Variants in TEP1 observed in about 807,000 individuals in gnomAD.
TEP1 encodes telomerase associated protein 1.
A neutral mutation model predicts 306.3 loss-of-function variants in TEP1; 241 were observed. The observed-to-expected ratio is 0.79, with a 90% CI of 0.71 to 0.88. The LOEUF is 0.88. Ranked by LOEUF, TEP1 falls within the 40% of genes least tolerant of loss-of-function variation. The pLI is 0.00. For missense variants in TEP1, 3,051 were observed against 3,276.1 expected (o/e 0.93, Z 1.68); for synonymous variants, 1,289 against 1,305.5 (o/e 0.99, Z 0.27).
chr14:20,392,124 C>T (rs1156459839), intron 12 of TEP1, among the ~76,000 whole-genome samples: 2 of 152,206 alleles, frequency 1.3e-5, no homozygotes, highest in Admixed American at 6.5e-5. Context: ...ACTCTGAAAA[C>T]TGGCAATTAA....
At chr14:20,390,572 C>CTA in intron 15 of TEP1, 109 bp downstream of exon 15, 1 of 1,030,820 alleles carries the variant, frequency 9.7e-7, no homozygotes, top group South Asian at 1.4e-5. Context: ...GCTGATCTGA[C>CTA]TATTGTATGT....
chr14:20,404,793 A>C, intron 4 of TEP1, 21 bp from the exon 5 acceptor site: 2 of 1,581,812 alleles, frequency 1.3e-6, no homozygotes, highest in Non-Finnish European at 1.7e-6. Context: ...GGGTGAGAGG[A>C]CTAGAATCTC....
At chr14:20,402,942 A>T (rs1369343265) in intron 7 of TEP1, among the ~76,000 whole-genome samples, 1 of 152,068 alleles carries the variant, frequency 6.6e-6, no homozygotes, top group Non-Finnish European at 1.5e-5. Context: ...GTGGATCACG[A>T]GGTCAGGAGT....
At position 20,402,858 on chromosome 14, in the gene TEP1, G is replaced by A. The variant is rs540334115; in HGVS notation, c.1266+519C>T. The stretch of plus-strand genomic sequence containing the variant: ...ATCCAACTTTACTGACATGTCACCC[G>A]GCAGTAAAGTACAATACCAGCTGGG... On this transcript the variant is annotated intron_variant, in intron 7 of 54. Transcript: ENST00000262715. Among the ~76,000 whole-genome samples, 3 of 152,128 alleles carry A rather than the reference G, an allele frequency of 2.0e-5. No individual in the cohort carries two copies. The East Asian group carries it at 5.8e-4, about 29-fold the overall frequency.
chr14:20,384,964 C>T, intron 21 of TEP1, 21 bp downstream of exon 21: 1 of 1,614,144 alleles, frequency 6.2e-7, no homozygotes, highest in Non-Finnish European at 8.5e-7. Flanking sequence ...GGAGCCCCAG[C>T]CTGCAGGCAA....
At chr14:20,401,167 A>G (rs763074831) in intron 8 of TEP1, 26 bp from the exon 9 acceptor site, 61 of 1,611,978 alleles carry the variant, frequency 3.8e-5, no homozygotes, top group Non-Finnish European at 4.8e-5. Flanking sequence ...AAAGAGGTCT[A>G]TCATTTCAGA....
intron 41 of TEP1, 127 bp downstream of exon 41, chr14:20,377,153 T>C: frequency 1.4e-6 from 1 of 730,548 alleles, no homozygotes; most frequent in Non-Finnish European, 2.1e-6. Flanking sequence ...AGGCAGAAGT[T>C]GCAGTGAGCC....
intron 1 of TEP1, among the ~76,000 whole-genome samples, chr14:20,411,101 T>G (rs1378269522): frequency 9.2e-5 from 14 of 152,150 alleles, no homozygotes. Flanking sequence ...ATTACAGGCG[T>G]GAGCCACCGC....
chr14:20,409,987 C>G (rs776202363), intron 1 of TEP1, among the ~76,000 whole-genome samples: 15 of 130,168 alleles, frequency 1.2e-4, no homozygotes, highest in Non-Finnish European at 2.0e-4. Context: ...GGCCACTGCA[C>G]TCCAGCCTGG....
rs111439724 is a variant in TEP1 at position 20,410,979 on chromosome 14, A to G, written c.-25+2426T>C. On this transcript the variant is annotated intron_variant, in intron 1 of 54. Transcript: ENST00000262715. ...TGGGATTACAAGTGCCTGCCACCACACCCAGCTAATTTTTGTATTTGTAGT... is the reference window on the plus strand; with the variant it reads ...TGGGATTACAAGTGCCTGCCACCACGCCCAGCTAATTTTTGTATTTGTAGT... 5.3e-5 allele frequency among the ~76,000 whole-genome samples: 8 copies of G among 150,898 alleles called. 1 individual carries two copies. The highest frequency in any genetic ancestry group is 4.2e-4 in the South Asian group (2 of 4,764).
Position 20,381,353 on chromosome 14 carries a change from C to T in TEP1, c.4607G>A (p.Ser1536Asn). Reference protein sequence around the residue: ...CDADASGTFRSCPPEALGDLP... With the variant: ...CDADASGTFRNCPPEALGDLP... ...GTCTCCCAGAGCCTCAGGAGGGCAA[C>T]TTCGGAAGGTGCCTGAGGCATCAGC... The change falls in exon 32 of 55, where the codon AGT (serine) becomes AAT (asparagine). Residue 1536 changes from serine to asparagine, a missense_variant. Around this residue, in one of 3 missense-constraint regions of TEP1, gnomAD observed 1,540 missense variants for 1,705.9 expected, o/e 0.90. Transcript: ENST00000262715. This position sits in a 1 kb window ranked among gnomAD's most constrained non-coding sequence, Gnocchi z 4.0. 1 of 1,614,202 alleles carries T rather than the reference C, an allele frequency of 6.2e-7. No individual in the cohort carries two copies. The highest frequency in any genetic ancestry group is 1.7e-5 in the Admixed American group (1 of 60,030).
At chr14:20,395,334 C>T (rs745806234) in intron 12 of TEP1, 116 bp downstream of exon 12, 4 of 1,079,742 alleles carry the variant, frequency 3.7e-6, no homozygotes, top group Non-Finnish European at 5.3e-6. Flanking sequence ...TGAGCCACTG[C>T]GATGACTGAC....
At chr14:20,403,568 C>A in intron 6 of TEP1, 120 bp from the exon 7 acceptor site, 2 of 1,590,084 alleles carry the variant, frequency 1.3e-6, no homozygotes, top group South Asian at 1.1e-5. Flanking sequence ...AAGAAGACTG[C>A]CCTGCACCAT....
chr14:20,390,871 A>G, intron 14 of TEP1, 67 bp downstream of exon 14: 2 of 1,610,440 alleles, frequency 1.2e-6, no homozygotes, highest in Non-Finnish European at 1.7e-6. Flanking sequence ...CCTTTACCAA[A>G]TATCTGGGCT....
In TEP1 at chr14:20,381,260, A is replaced by C; in HGVS notation, c.4647+53T>G. On this transcript the variant is annotated intron_variant, in intron 32 of 54. Coordinates refer to ENST00000262715, the MANE Select transcript of TEP1 (RefSeq NM_007110.5). This position sits in a 1 kb window ranked among gnomAD's most constrained non-coding sequence, Gnocchi z 4.0. ...ATGGTAACGGGGAGAGGGGTCTCAG[A>C]GCAACCAAAGCACTCACTTTGGGAA... 2 of 1,565,812 alleles carry C rather than the reference A, an allele frequency of 1.3e-6. No homozygotes were observed. Among genetic ancestry groups the C allele is most frequent in the Non-Finnish European group, 1.8e-6 (2 of 1,136,064 alleles).
rs544739210 is a variant in TEP1, at chr14:20,373,527, G to C, written c.6661C>G (p.Arg2221Gly). 5 of 1,614,244 alleles carry C rather than the reference G, an allele frequency of 3.1e-6. No homozygotes were observed. In the East Asian group the frequency reaches 6.7e-5, roughly 22 times the overall value. The stretch of plus-strand genomic sequence containing the variant: ...CTCACCAAGAGTGGATGCCATAACC[G>C]TGTGGCCCCATCTAGCCCGACGGTT... ...VVTVGLDGAT[R>G]LWHPLLVCQT... Residue 2221 changes from arginine to glycine, a missense_variant, in exon 46 of 55, where the codon CGG becomes GGG. By Grantham distance (125) the Arg-to-Gly change is moderately radical. Coordinates refer to ENST00000262715, the MANE Select transcript of TEP1 (RefSeq NM_007110.5).
At chr14:20,369,926 T>TC (rs1048220429) in intron 51 of TEP1, 147 bp from the exon 52 acceptor site, 7 of 621,332 alleles carry the variant, frequency 1.1e-5, no homozygotes, top group African/African-American at 7.5e-5. Context: ...AAATTTTTTT[T>TC]TTTTTGAGAC....
rs754696541 is a variant in TEP1 at position 20,403,902 on chromosome 14, G to A, written c.1033-18C>T. The A allele has an allele frequency of 6.2e-7, 1 of 1,613,910 alleles. No individual in the cohort carries two copies. Among genetic ancestry groups the A allele is most frequent in the Non-Finnish European group, 8.5e-7 (1 of 1,179,974 alleles). On this transcript the variant is annotated intron_variant, in intron 5 of 54. Transcript: ENST00000262715. ...GCCAGGCTCTGTCAAAGAGAGAGGA[G>A]AGACCACTAGAAGCAAGACCCAAAC...
rs574100077 is a variant in TEP1 at position 20,411,498 on chromosome 14, TCTC to T, written c.-25+1904_-25+1906del. On this transcript the variant is annotated intron_variant, in intron 1 of 54. Transcript: ENST00000262715. The stretch of plus-strand genomic sequence containing the variant: ...AGCCCCAGTCTGATTTAGGTGGCCT[TCTC>T]CTTGTTTTCACAACACCCATATGTC... 1.7e-4 allele frequency among the ~76,000 whole-genome samples: 26 copies of T among 152,230 alleles called. No individual in the cohort carries two copies. In the South Asian group the frequency reaches 4.4e-3, roughly 25 times the overall value.
Sources: gnomAD v4.1 joint callset for allele counts (sites outside exome capture counted in the v4.1 genomes callset) on GRCh38, gnomAD v4.1.1 for gene constraint, gnomAD v4.1.1 regional missense constraint, Gnocchi (gnomAD v3.1) non-coding constraint, MANE v1.5 for transcripts, NCBI Gene and HGNC (gene_info 2026-07-23, HGNC 2026-07-21) for gene names.